C16orf46: variants seen among roughly 807,000 people sequenced by gnomAD.
The protein encoded by C16orf46 is uncharacterized protein C16orf46.
A neutral mutation model predicts 5.5 loss-of-function variants in C16orf46; 7 were observed. The ratio of observed to expected loss-of-function variants is 1.28; its 90% CI spans 0.73 to 2.40. The LOEUF (loss-of-function observed/expected upper bound fraction) is 2.40, where lower values mean the gene tolerates loss of function less well. Among genes scored for constraint, C16orf46 ranks in the 30% most tolerant of loss-of-function variants. The pLI is 0.00. For missense variants in C16orf46, 614 were observed against 476.0 expected, an observed-to-expected ratio of 1.29 and a Z score of -2.70; for synonymous variants, 200 against 184.1, an observed-to-expected ratio of 1.09 and a Z score of -0.70.
chr16:81,062,179 C>G, intron 3 of C16orf46, 41 bp from the exon 4 acceptor site: 2 of 1,502,530 alleles, frequency 1.3e-6, no homozygotes, highest in Non-Finnish European at 1.8e-6. Flanking sequence ...GCTGAGGGGC[C>G]CAAACTGTCC....
In C16orf46 at chr16:81,061,330, T is replaced by C; in HGVS notation, c.1019A>G (p.Lys340Arg). The C allele has an allele frequency of 6.2e-7, 1 of 1,614,124 alleles. No homozygotes were observed. The highest frequency in any genetic ancestry group is 8.5e-7 in the Non-Finnish European group (1 of 1,180,034). Residue 340 changes from lysine (K) to arginine (R), a missense_variant, in exon 4 of 4, where the codon AAA (lysine) becomes AGA (arginine). Physicochemically the swap from Lys to Arg is conservative, Grantham distance 26 (BLOSUM62 2). Coordinates refer to ENST00000299578, the MANE Select transcript of C16orf46 (RefSeq NM_152337.3). ...RGVQSYKSKFKAKEPRSPVIT... is the reference protein window; with the variant it reads ...RGVQSYKSKFRAKEPRSPVIT... Reference sequence around the variant, plus strand: ...CACAGGAGATCTTGGCTCCTTGGCTTTGAATTTGGATTTGTAGCTTTGCAC... The same window carrying C: ...CACAGGAGATCTTGGCTCCTTGGCTCTGAATTTGGATTTGTAGCTTTGCAC...
At chr16:81,054,167 G>A (rs543871426) in intron 3 of C16orf46, 5 of 1,416,850 alleles carry the variant, frequency 3.5e-6, no homozygotes, top group African/African-American at 1.4e-5. Flanking sequence ...AGAAGTCAAT[G>A]CATCTGAATT....
chr16:81,057,522 G>A (rs936620317), downstream of C16orf46, among the ~76,000 whole-genome samples: 50 of 128,528 alleles, frequency 3.9e-4, no homozygotes, highest in African/African-American at 1.5e-3. Context: ...CTGGCCCACA[G>A]AGGAAGACTC....
intron 1 of C16orf46, among the ~76,000 whole-genome samples, chr16:81,068,714 A>T (rs1227672670): frequency 6.6e-6 from 1 of 150,938 alleles, no homozygotes; most frequent in South Asian, 2.1e-4. Context: ...ATATATATAT[A>T]TTTTTTAGAC....
intron 1 of C16orf46, among the ~76,000 whole-genome samples, chr16:81,072,965 A>G (rs1229701447): frequency 6.6e-6 from 1 of 152,158 alleles, no homozygotes; most frequent in African/African-American, 2.4e-5. Flanking sequence ...AGCCTCCCAA[A>G]GTGCCCGGCC....
chr16:81,061,109 G>T lies in C16orf46; in HGVS notation c.*52C>A. 1 of 1,525,530 alleles carries T rather than the reference G, an allele frequency of 6.6e-7. No individual in the cohort carries two copies. Among genetic ancestry groups the T allele is most frequent in the Non-Finnish European group, 8.8e-7 (1 of 1,137,712 alleles). The allele number at this position is 1,525,530 out of a possible 1,614,324, so 94.5% of individuals were successfully genotyped here. ...GGAAATGAGAGAGAAGAAAGAGAAAGGATGGCTGCATCTCAAACGGTGCTT... is the reference window on the plus strand; with the variant it reads ...GGAAATGAGAGAGAAGAAAGAGAAATGATGGCTGCATCTCAAACGGTGCTT... On this transcript the variant is annotated 3_prime_UTR_variant, in exon 4 of 4. Transcript: ENST00000299578.
At chr16:81,064,678 T>G (rs1597144187) in intron 2 of C16orf46, among the ~76,000 whole-genome samples, 1 of 143,240 alleles carries the variant, frequency 7.0e-6, no homozygotes, top group Admixed American at 7.2e-5. Context: ...ATCCGGGAGG[T>G]GGAGGTTGCA....
At chr16:81,062,879 C>CT (rs35694573) in intron 3 of C16orf46, among the ~76,000 whole-genome samples, 22,312 of 138,240 alleles carry the variant, frequency 0.16, 1,953 homozygotes, top group African/African-American at 0.22. Flanking sequence ...TAGTTTTATG[C>CT]TTTTTTTTTT....
chr16:81,054,630 T>A (rs1012726003), intron 3 of C16orf46, among the ~76,000 whole-genome samples: 2 of 146,978 alleles, frequency 1.4e-5, no homozygotes, highest in Non-Finnish European at 3.0e-5. Context: ...TATGAGCCAC[T>A]GCACCCGGCC....
chr16:81,071,872 G>T (rs947981328), intron 1 of C16orf46: 9 of 152,232 alleles, frequency 5.9e-5, no homozygotes, highest in African/African-American at 2.2e-4. Flanking sequence ...GACAGCTACT[G>T]CTGCCCAAAG....
At position 81,063,875 on chromosome 16, in the gene C16orf46, T is replaced by A; in HGVS notation, c.81A>T (p.Pro27=). ...TTTTTCCATCTGGACAAGTATAGGT[T>A]GGTTCTGTTTCTTCTGTGAACTGAA... The part of the protein sequence containing the change: ...NEIQFTEETE[P]TYTCPDGKSE... The change falls in exon 3 of 4, where the codon CCA becomes CCT. Residue 27 remains proline (P), a synonymous_variant. Transcript: ENST00000299578. 6.2e-7 allele frequency: 1 copy of A among 1,613,686 alleles called. No homozygotes were observed. Among genetic ancestry groups the A allele is most frequent in the Non-Finnish European group, 8.5e-7 (1 of 1,179,658 alleles).
intron 1 of C16orf46, among the ~76,000 whole-genome samples, chr16:81,070,484 A>T (rs1156730442): frequency 6.6e-6 from 1 of 152,190 alleles, no homozygotes; most frequent in Non-Finnish European, 1.5e-5. Flanking sequence ...ATCCAGAAAT[A>T]CACCCCCCCA....
intron 2 of C16orf46, among the ~76,000 whole-genome samples, chr16:81,065,494 A>G (rs992331571): frequency 4.8e-5 from 7 of 146,274 alleles, no homozygotes; most frequent in Non-Finnish European, 9.0e-5. Context: ...AAAAAAAAAA[A>G]GCAAAAGCAT....
intron 1 of C16orf46, among the ~76,000 whole-genome samples, chr16:81,074,265 A>G (rs1597154658): frequency 6.6e-6 from 1 of 152,364 alleles, no homozygotes; most frequent in East Asian, 1.9e-4. Context: ...ACTGAAAGCA[A>G]TACCTCAAAA....
At chr16:81,070,865 A>G (rs1396055672) in intron 1 of C16orf46, among the ~76,000 whole-genome samples, 8 of 152,024 alleles carry the variant, frequency 5.3e-5, no homozygotes, top group Non-Finnish European at 1.0e-4. Context: ...CTATATAATA[A>G]CTTATAGTCA....
intron 3 of C16orf46, among the ~76,000 whole-genome samples, chr16:81,063,248 A>AGT (rs1567574915): frequency 1.6e-4 from 19 of 116,922 alleles, no homozygotes; most frequent in African/African-American, 6.6e-4. Context: ...ATCTCAGGGA[A>AGT]AAAAAAAAAA....
At chr16:81,069,982 T>A (rs1971792295) in intron 1 of C16orf46, 1 of 152,024 alleles carries the variant, frequency 6.6e-6, no homozygotes. Context: ...AAAAATTAGC[T>A]GGGCATGGTG....
At chr16:81,054,769 C>T (rs948194836) in intron 3 of C16orf46, among the ~76,000 whole-genome samples, 2 of 152,006 alleles carry the variant, frequency 1.3e-5, no homozygotes, top group Admixed American at 6.6e-5. Context: ...ATGCCTCCGC[C>T]GCCTGAGTAG....
chr16:81,062,147 A>G lies in C16orf46; in HGVS notation c.211-9T>C, dbSNP rs772357799. The G allele has an allele frequency of 6.5e-7, 1 of 1,549,850 alleles. No individual in the cohort carries two copies. Among genetic ancestry groups the G allele is most frequent in the East Asian group, 2.3e-5 (1 of 44,304 alleles). ...CTTCCCCACCCTTGGACCTGCAAAT[A>G]AAGCGGCATGTTACTCCTCCAGCTG... is the stretch of plus-strand genomic sequence containing the variant. On this transcript the variant is annotated splice_polypyrimidine_tract_variant and intron_variant, in intron 3 of 3. Transcript: ENST00000299578.
Sources: allele counts gnomAD v4.1 joint callset (sites outside exome capture counted in the v4.1 genomes callset), GRCh38; gene constraint gnomAD v4.1.1; transcripts MANE v1.5; gene names NCBI Gene and HGNC (gene_info 2026-07-23, HGNC 2026-07-21).